The following CSMD1 variants were observed in gnomAD, a reference collection of about 807,000 sequenced individuals.
CSMD1 encodes CUB and sushi domain-containing protein 1.
In CSMD1, 213 loss-of-function variants were observed where a neutral mutation model predicts 417.5. The ratio of observed to expected loss-of-function variants is 0.51; its 90% confidence interval spans 0.46 to 0.57. The LOEUF (loss-of-function observed/expected upper bound fraction) is 0.57, where lower values mean the gene tolerates loss of function less well. Among genes scored for constraint, CSMD1 ranks in the 20% least tolerant of loss-of-function variants. The pLI, the probability that CSMD1 is intolerant of heterozygous loss-of-function variation, is 0.00. For synonymous variants in CSMD1, 2,862 were observed against 1,736.8 expected, an observed-to-expected ratio of 1.65 and a Z score of -16.11; for missense variants, 6,923 against 4,529.7, an observed-to-expected ratio of 1.53 and a Z score of -15.17.
At chr8:4,202,761 G>A (rs565449533) in intron 3 of CSMD1, among the ~76,000 whole-genome samples, 1 of 152,298 alleles carries the variant, frequency 6.6e-6, no homozygotes, top group South Asian at 2.1e-4. Flanking sequence ...GGGAGAAAAT[G>A]ATAGTGATAG....
intron 2 of CSMD1, among the ~76,000 whole-genome samples, chr8:4,518,365 T>TA (rs965208266): frequency 5.3e-5 from 8 of 152,266 alleles, no homozygotes; most frequent in African/African-American, 1.7e-4. Flanking sequence ...TGTGATTCCT[T>TA]AAAAATATGA....
chr8:4,202,730 T>C (rs538522296), intron 3 of CSMD1, among the ~76,000 whole-genome samples: 13 of 152,292 alleles, frequency 8.5e-5, no homozygotes, highest in African/African-American at 3.1e-4. Flanking sequence ...AAATATTTAC[T>C]TAATAACTAA....
intron 5 of CSMD1, among the ~76,000 whole-genome samples, chr8:3,925,159 C>G (rs1809561847): frequency 6.6e-6 from 1 of 152,148 alleles, no homozygotes; most frequent in Admixed American, 6.5e-5. Flanking sequence ...TTCCCAAATC[C>G]TGACCCATAG....
chr8:3,101,799 C>CT (rs530061255), intron 46 of CSMD1, among the ~76,000 whole-genome samples: 2,806 of 106,302 alleles, frequency 0.026, 58 homozygotes, highest in Middle Eastern at 0.044. Context: ...CTTTCTTTTT[C>CT]TTTTTTTTTT....
At chr8:3,286,852 C>G (rs1051272195) in intron 25 of CSMD1, among the ~76,000 whole-genome samples, 5 of 152,074 alleles carry the variant, frequency 3.3e-5, no homozygotes, top group African/African-American at 4.8e-5. Flanking sequence ...TCAATTTTGG[C>G]TTTTGTTGCC....
At chr8:3,815,477 T>C (rs1801318883) in intron 5 of CSMD1, among the ~76,000 whole-genome samples, 2 of 152,202 alleles carry the variant, frequency 1.3e-5, no homozygotes, top group East Asian at 1.9e-4. Flanking sequence ...TGTGTAAATA[T>C]AAAAGTTAAA....
intron 26 of CSMD1, among the ~76,000 whole-genome samples, chr8:3,261,117 C>G (rs916176503): frequency 6.6e-6 from 1 of 152,194 alleles, no homozygotes; most frequent in East Asian, 1.9e-4. Context: ...AGAGATATCA[C>G]TGCATCCTTA....
intron 3 of CSMD1, among the ~76,000 whole-genome samples, chr8:4,118,228 T>C (rs1802273785): frequency 6.6e-6 from 1 of 152,122 alleles, no homozygotes; most frequent in African/African-American, 2.4e-5. Context: ...TTTTAGCACA[T>C]GCTTTGTTCC....
intron 42 of CSMD1, among the ~76,000 whole-genome samples, chr8:3,117,646 G>A (rs150944952): frequency 6.6e-6 from 1 of 152,054 alleles, no homozygotes; most frequent in African/African-American, 2.4e-5. Flanking sequence ...ATTAGATATT[G>A]AAAAAATGTC....
At chr8:4,280,713 T>C (rs1294244670) in intron 3 of CSMD1, among the ~76,000 whole-genome samples, 1 of 152,218 alleles carries the variant, frequency 6.6e-6, no homozygotes, top group East Asian at 1.9e-4. Flanking sequence ...AGCAATACCG[T>C]GTAAGCCATA....
At chr8:4,696,356 T>C (rs1218843910) in intron 1 of CSMD1, among the ~76,000 whole-genome samples, 1 of 152,214 alleles carries the variant, frequency 6.6e-6, no homozygotes, top group Non-Finnish European at 1.5e-5. Flanking sequence ...GTTCATCTAC[T>C]ATAAACTAAG....
chr8:3,263,512 G>C (rs879838855), intron 26 of CSMD1, among the ~76,000 whole-genome samples: 1 of 152,292 alleles, frequency 6.6e-6, no homozygotes, highest in South Asian at 2.1e-4. Context: ...TTATTGGAAA[G>C]AGAATATTAC....
chr8:4,407,554 C>T (rs1007876957), intron 3 of CSMD1, among the ~76,000 whole-genome samples: 1 of 152,180 alleles, frequency 6.6e-6, no homozygotes, highest in African/African-American at 2.4e-5. Context: ...GTGCTAATTT[C>T]ATATAGTAAT....
intron 1 of CSMD1, among the ~76,000 whole-genome samples, chr8:4,666,133 G>T (rs1804910098): frequency 1.3e-5 from 2 of 152,058 alleles, no homozygotes. Flanking sequence ...ATCTTCTGAT[G>T]TGCCTGTCAT....
At chr8:4,349,490 C>G (rs752081626) in intron 3 of CSMD1, among the ~76,000 whole-genome samples, 1 of 152,136 alleles carries the variant, frequency 6.6e-6, no homozygotes, top group Non-Finnish European at 1.5e-5. Flanking sequence ...ATGGAGAGCT[C>G]TATCTAGAAT....
rs540284907 is a variant in CSMD1, at chr8:4,058,915, T to C, written c.416-26816A>G. On this transcript the variant is annotated intron_variant, in intron 3 of 69. Transcript: ENST00000635120. Reference sequence around the variant, plus strand: ...GAAAGTTAACAAGGATACCCAGGAATTGAACTCAGCTCTGCACCAAGCGGG... The same window carrying C: ...GAAAGTTAACAAGGATACCCAGGAACTGAACTCAGCTCTGCACCAAGCGGG... 1.3e-3 allele frequency among the ~76,000 whole-genome samples: 191 copies of C among 152,118 alleles called. 1 individual carries two copies. Among genetic ancestry groups the C allele is most frequent in the African/African-American group, 4.4e-3 (184 of 41,414 alleles).
chr8:4,241,895 C>A (rs1802428269), intron 3 of CSMD1, among the ~76,000 whole-genome samples: 3 of 152,030 alleles, frequency 2.0e-5, no homozygotes, highest in Admixed American at 2.0e-4. Context: ...GAATGCAAGG[C>A]ATAAAGACAA....
chr8:4,981,466 A>G (rs904905168), intron 1 of CSMD1, among the ~76,000 whole-genome samples: 2 of 152,216 alleles, frequency 1.3e-5, no homozygotes, highest in African/African-American at 2.4e-5. Flanking sequence ...CCAAAACCTG[A>G]TATCATCAAT....
chr8:4,115,664 C>A (rs1048532414), intron 3 of CSMD1, among the ~76,000 whole-genome samples: 1 of 152,034 alleles, frequency 6.6e-6, no homozygotes, highest in Admixed American at 6.6e-5. Context: ...CCCATAATTG[C>A]TAAAATTTGG....
Sources: gnomAD v4.1 joint callset for allele counts (sites outside exome capture counted in the v4.1 genomes callset) on GRCh38, gnomAD v4.1.1 for gene constraint, MANE v1.5 for transcripts, NCBI Gene and HGNC (gene_info 2026-07-23, HGNC 2026-07-21) for gene names.